Variants in SUGCT observed in about 807,000 individuals in gnomAD.
The protein encoded by SUGCT is succinyl-CoA:glutarate-CoA transferase.
SUGCT carries 41 observed loss-of-function variants against 55.0 expected under a neutral mutation model. That is an observed-to-expected ratio of 0.74 (90% CI 0.58 to 0.97). SUGCT has a LOEUF of 0.97. Among genes scored for constraint, SUGCT ranks in the 50% least tolerant of loss-of-function variants. The pLI, the probability that SUGCT is intolerant of heterozygous loss-of-function variation, is 0.00. For missense variants in SUGCT, 568 were observed against 547.8 expected (o/e 1.04, Z -0.37); for synonymous variants, 187 against 200.4 (o/e 0.93, Z 0.56).
chr7:40,961,993 A>G, the SUGCT span, among the ~76,000 whole-genome samples: 1 of 152,144 alleles, frequency 6.6e-6, no homozygotes, highest in African/African-American at 2.4e-5. Flanking sequence ...CACAATGTGG[A>G]AGGGGACCCA....
intron 13 of SUGCT, among the ~76,000 whole-genome samples, chr7:40,756,183 T>C (rs887613523): frequency 2.6e-5 from 4 of 152,190 alleles, no homozygotes; most frequent in Admixed American, 1.3e-4. Flanking sequence ...CAGTATACCT[T>C]CATAAGCTCC....
chr7:40,665,139 A>G lies in SUGCT; in HGVS notation c.1090-84295A>G, dbSNP rs951605627. On this transcript the variant is annotated intron_variant, in intron 12 of 13. Transcript: ENST00000335693. ...CAAGAAAGTGAACTTTACAAAGCAA[A>G]TTTACAAGTACCGGCCAGGCTGGAT... 2.0e-5 allele frequency among the ~76,000 whole-genome samples: 3 copies of G among 151,894 alleles called. No individual in the cohort carries two copies. The East Asian group carries it at 5.8e-4, about 30-fold the overall frequency.
intron 6 of SUGCT, among the ~76,000 whole-genome samples, chr7:40,216,933 G>T (rs1787698137): frequency 6.6e-6 from 1 of 151,872 alleles, no homozygotes; most frequent in African/African-American, 2.4e-5. Flanking sequence ...ATTACAGGCA[G>T]TCAGGATGTT....
chr7:40,621,546 G>A (rs931167044), intron 12 of SUGCT, among the ~76,000 whole-genome samples: 1 of 152,224 alleles, frequency 6.6e-6, no homozygotes, highest in Non-Finnish European at 1.5e-5. Flanking sequence ...GGCTGGTGTC[G>A]GCCTGCAGAT....
At chr7:40,546,263 C>A (rs1462551890) in intron 12 of SUGCT, among the ~76,000 whole-genome samples, 1 of 152,052 alleles carries the variant, frequency 6.6e-6, no homozygotes, top group Non-Finnish European at 1.5e-5. Context: ...ACATCAAGTG[C>A]TGTGGTTATT....
At chr7:40,304,714 A>T (rs1447540485) in intron 8 of SUGCT, among the ~76,000 whole-genome samples, 1 of 98,484 alleles carries the variant, frequency 1.0e-5, no homozygotes, top group Admixed American at 1.4e-4. Flanking sequence ...GAGTTACTTC[A>T]CTTAGAATAA....
At chr7:40,894,045 C>T in the SUGCT span, among the ~76,000 whole-genome samples, 1 of 135,872 alleles carries the variant, frequency 7.4e-6, no homozygotes, top group African/African-American at 2.6e-5. Flanking sequence ...CAGAGTGAGA[C>T]TCTGTCTTAA....
At chr7:40,332,455 G>GT (rs376638391) in intron 9 of SUGCT, among the ~76,000 whole-genome samples, 32,138 of 129,014 alleles carry the variant, frequency 0.25, 4,621 homozygotes, top group Non-Finnish European at 0.36. Flanking sequence ...TTTTTTTTTT[G>GT]TTTTTTTTTT....
chr7:40,299,994 AG>A (rs35937957), intron 8 of SUGCT, among the ~76,000 whole-genome samples: 1 of 152,168 alleles, frequency 6.6e-6, no homozygotes, highest in East Asian at 1.9e-4. Context: ...CTTGCCGTCT[AG>A]GGGGGTTGTT....
At chr7:40,753,603 C>T (rs1788121667) in intron 13 of SUGCT, among the ~76,000 whole-genome samples, 1 of 152,144 alleles carries the variant, frequency 6.6e-6, no homozygotes, top group Non-Finnish European at 1.5e-5. Flanking sequence ...ACTGAATTTT[C>T]TGTATGTCAC....
At chr7:40,344,682 A>G (rs1797221838) in intron 9 of SUGCT, among the ~76,000 whole-genome samples, 1 of 152,188 alleles carries the variant, frequency 6.6e-6, no homozygotes, top group Non-Finnish European at 1.5e-5. Context: ...TTGCTGACCC[A>G]TGCTTTAGAG....
intron 3 of SUGCT, among the ~76,000 whole-genome samples, chr7:40,183,953 C>T (rs762669909): frequency 1.6e-4 from 25 of 152,060 alleles, no homozygotes; most frequent in Non-Finnish European, 3.4e-4. Context: ...GTGGGCGGAT[C>T]GTTTGAGCCC....
At chr7:40,204,687 G>A (rs1161379050) in intron 6 of SUGCT, among the ~76,000 whole-genome samples, 2 of 152,006 alleles carry the variant, frequency 1.3e-5, no homozygotes, top group Non-Finnish European at 2.9e-5. Context: ...CACTTTGGGA[G>A]GCCAAGACAA....
chr7:40,858,835 G>C (rs1387092918), intron 13 of SUGCT, among the ~76,000 whole-genome samples: 2 of 152,162 alleles, frequency 1.3e-5, no homozygotes, highest in African/African-American at 2.4e-5. Context: ...AAAACTGTAG[G>C]CATCAGTTGA....
intron 12 of SUGCT, among the ~76,000 whole-genome samples, chr7:40,662,482 C>T (rs1258339788): frequency 1.3e-5 from 2 of 152,348 alleles, no homozygotes; most frequent in East Asian, 3.9e-4. Flanking sequence ...GTCCTCTAAC[C>T]CCAGGCCCCT....
intron 12 of SUGCT, among the ~76,000 whole-genome samples, chr7:40,587,064 T>A (rs1797418139): frequency 6.6e-6 from 1 of 152,336 alleles, no homozygotes; most frequent in East Asian, 1.9e-4. Context: ...GTATATTCCA[T>A]TTGTATGACG....
At chr7:40,539,273 A>C (rs1217946990) in intron 12 of SUGCT, 4 of 152,122 alleles carry the variant, frequency 2.6e-5, no homozygotes, top group African/African-American at 7.2e-5. Context: ...TCCAAAACTT[A>C]CTTTTCCCTG....
intron 12 of SUGCT, among the ~76,000 whole-genome samples, chr7:40,699,729 C>T (rs972181834): frequency 5.9e-5 from 9 of 151,924 alleles, no homozygotes; most frequent in Non-Finnish European, 2.9e-5. Flanking sequence ...ATGAGCCGAG[C>T]CTGGTGGTGC....
chr7:40,781,726 A>G (rs1789760740), intron 13 of SUGCT, among the ~76,000 whole-genome samples: 1 of 152,120 alleles, frequency 6.6e-6, no homozygotes, highest in South Asian at 2.1e-4. Context: ...TACAGGAAAA[A>G]ATTGGCAAGT....
Sources: gnomAD v4.1 joint callset for allele counts (sites outside exome capture counted in the v4.1 genomes callset) on GRCh38, gnomAD v4.1.1 for gene constraint, MANE v1.5 for transcripts, NCBI Gene and HGNC (gene_info 2026-07-23, HGNC 2026-07-21) for gene names.